The following ARPP21 variants were observed in gnomAD, a reference collection of about 807,000 sequenced individuals.
ARPP21 encodes cAMP regulated phosphoprotein 21, also known as cAMP-regulated phosphoprotein 21.
In ARPP21, 69 loss-of-function variants were observed where a neutral mutation model predicts 113.2. That is an observed-to-expected ratio of 0.61 (90% confidence interval 0.50 to 0.74). ARPP21 has a LOEUF of 0.74. Among genes scored for constraint, ARPP21 ranks in the 30% least tolerant of loss-of-function variants. The pLI is 0.00. For synonymous variants in ARPP21, 368 were observed against 375.5 expected (o/e 0.98, Z 0.23); for missense variants, 1,070 against 1,037.4 (o/e 1.03, Z -0.43).
At chr3:35,786,476 T>A (rs1202562560) in intron 19 of ARPP21, among the ~76,000 whole-genome samples, 1 of 150,110 alleles carries the variant, frequency 6.7e-6, no homozygotes, top group Non-Finnish European at 1.5e-5. Flanking sequence ...TGCAGTGAAC[T>A]GAGATTGCAC....
intron 1 of ARPP21, among the ~76,000 whole-genome samples, chr3:35,663,453 AT>A (rs1234280110): frequency 1.3e-5 from 2 of 152,192 alleles, no homozygotes; most frequent in Non-Finnish European, 2.9e-5. Flanking sequence ...ACTTTTTATT[AT>A]GGAAATTTTT....
chr3:35,681,914 C>G (rs573602733), intron 3 of ARPP21, 34 bp downstream of exon 3: 1 of 1,602,504 alleles, frequency 6.2e-7, no homozygotes, highest in Non-Finnish European at 8.5e-7. Context: ...GACTCTCATA[C>G]AACTGTGTGC....
chr3:35,720,183 G>A (rs1196590860), intron 13 of ARPP21, among the ~76,000 whole-genome samples: 2 of 151,534 alleles, frequency 1.3e-5, no homozygotes, highest in Non-Finnish European at 2.9e-5. Context: ...AGGGCACTGA[G>A]TATTTTCATC....
chr3:35,726,930 G>A (rs937024081), intron 14 of ARPP21, among the ~76,000 whole-genome samples: 12 of 152,150 alleles, frequency 7.9e-5, no homozygotes, highest in African/African-American at 2.7e-4. Context: ...AATGTGTAAC[G>A]TAGCATCAAA....
intron 9 of ARPP21, among the ~76,000 whole-genome samples, chr3:35,692,125 T>C (rs962702351): frequency 6.6e-5 from 10 of 151,758 alleles, no homozygotes; most frequent in African/African-American, 2.4e-4. Flanking sequence ...TCCACTTCTG[T>C]GGGCTTCAAA....
At chr3:35,718,670 A>C (rs745388025) in intron 13 of ARPP21, among the ~76,000 whole-genome samples, 1 of 152,234 alleles carries the variant, frequency 6.6e-6, no homozygotes, top group Non-Finnish European at 1.5e-5. Flanking sequence ...TGTAAAAGCA[A>C]TTCAAGATGT....
At chr3:35,792,167 G>A in intron 19 of ARPP21, 1 of 543,558 alleles carries the variant, frequency 1.8e-6, no homozygotes, top group Non-Finnish European at 3.3e-6. Flanking sequence ...CATAACAATA[G>A]AAATGTCAGT....
chr3:35,663,815 T>G (rs2149193619), intron 1 of ARPP21, among the ~76,000 whole-genome samples: 1 of 152,238 alleles, frequency 6.6e-6, no homozygotes, highest in East Asian at 1.9e-4. Context: ...GGGAATTGGA[T>G]TTGGACCTGG....
chr3:35,773,322 G>A (rs1207525595), intron 19 of ARPP21, among the ~76,000 whole-genome samples: 5 of 152,052 alleles, frequency 3.3e-5, no homozygotes. Flanking sequence ...ATCATTAATT[G>A]TGTCACCTTC....
intron 19 of ARPP21, among the ~76,000 whole-genome samples, chr3:35,790,239 T>C (rs2096721276): frequency 6.6e-6 from 1 of 152,226 alleles, no homozygotes. Flanking sequence ...CTTATTATAT[T>C]CACAATTATA....
intron 1 of ARPP21, chr3:35,678,716 A>C (rs1046718763): frequency 3.3e-5 from 5 of 152,000 alleles, no homozygotes; most frequent in African/African-American, 1.2e-4. Flanking sequence ...ATATAGCCAC[A>C]GTAAAATCCT....
At chr3:35,753,599 G>T (rs1416518725) in intron 19 of ARPP21, among the ~76,000 whole-genome samples, 2 of 151,946 alleles carry the variant, frequency 1.3e-5, no homozygotes, top group Non-Finnish European at 2.9e-5. Context: ...GGACTTAGTG[G>T]CATGGCTGGC....
chr3:35,728,359 C>T (rs1168532413), intron 14 of ARPP21, among the ~76,000 whole-genome samples: 1 of 151,074 alleles, frequency 6.6e-6, no homozygotes, highest in Non-Finnish European at 1.5e-5. Context: ...GATGGGACTA[C>T]AGGCACGTGC....
intron 1 of ARPP21, among the ~76,000 whole-genome samples, chr3:35,677,937 T>C (rs2077928381): frequency 6.6e-6 from 1 of 151,998 alleles, no homozygotes. Flanking sequence ...TGTTCCTCTC[T>C]GCTCATTCCC....
intron 19 of ARPP21, among the ~76,000 whole-genome samples, chr3:35,746,421 A>G (rs1387007789): frequency 6.6e-6 from 1 of 152,190 alleles, no homozygotes; most frequent in Non-Finnish European, 1.5e-5. Context: ...ATGTGGATGG[A>G]CTATCTCATA....
intron 2 of ARPP21, among the ~76,000 whole-genome samples, chr3:35,680,661 G>A (rs2078621055): frequency 6.6e-6 from 1 of 151,756 alleles, no homozygotes; most frequent in Non-Finnish European, 1.5e-5. Flanking sequence ...GTTATTGCTT[G>A]GGATTTTTTT....
chr3:35,648,411 A>C (rs1411416344), intron 1 of ARPP21, among the ~76,000 whole-genome samples: 4 of 152,164 alleles, frequency 2.6e-5, no homozygotes, highest in Admixed American at 2.6e-4. Flanking sequence ...AGTGGATGGG[A>C]GCTGGGACTA....
intron 11 of ARPP21, 180 bp from the exon 12 acceptor site, chr3:35,715,259 G>T (rs1055406304): frequency 1.7e-6 from 1 of 577,850 alleles, no homozygotes; most frequent in Admixed American, 3.0e-5. Context: ...TGCTGCATGA[G>T]AATTGTTTAC....
Position 35,682,710 on chromosome 3 carries a change from CTAT to C in ARPP21, c.130-130_130-128del. ...CCCTAATGGTTGTGATGTTCTGTTG[CTAT>C]TATTATTGACTTCTCTACTGTAGCC... On this transcript the variant is annotated intron_variant, in intron 3 of 20. Transcript: ENST00000684406. 3 of 659,892 alleles carry C rather than the reference CTAT, an allele frequency of 4.5e-6. No individual in the cohort carries two copies. The South Asian group carries it at 7.8e-5, about 17-fold the overall frequency. The allele number at this position is 659,892 out of a possible 1,614,324, so 40.9% of individuals were successfully genotyped here. A position where few individuals can be genotyped will look rare whatever the true frequency, so the allele number is the denominator to read the frequency against.
Sources: gnomAD v4.1 joint callset for allele counts (sites outside exome capture counted in the v4.1 genomes callset) on GRCh38, gnomAD v4.1.1 for gene constraint, MANE v1.5 for transcripts, NCBI Gene and HGNC (gene_info 2026-07-23, HGNC 2026-07-21) for gene names.